Variants in SNTG1 observed in about 807,000 individuals in gnomAD.
SNTG1 encodes the protein gamma-1-syntrophin.
SNTG1 carries 39 observed loss-of-function variants against 74.7 expected under a neutral mutation model. That is an observed-to-expected ratio of 0.52 (90% CI 0.40 to 0.68). The LOEUF (loss-of-function observed/expected upper bound fraction) is 0.68. SNTG1 is among the 30% of genes least tolerant of loss of function. The pLI, the probability that SNTG1 is intolerant of heterozygous loss-of-function variation, is 0.00. For synonymous variants in SNTG1, 254 were observed against 217.1 expected, an observed-to-expected ratio of 1.17 and a Z score of -1.49; for missense variants, 685 against 609.5, an observed-to-expected ratio of 1.12 and a Z score of -1.30.
intron 1 of SNTG1, among the ~76,000 whole-genome samples, chr8:50,095,362 C>T (rs1437319684): frequency 1.3e-5 from 2 of 152,118 alleles, no homozygotes; most frequent in Non-Finnish European, 2.9e-5. Context: ...TGAAACCTTT[C>T]TGTGGATGTG....
chr8:50,503,170 A>C (rs113263762), intron 9 of SNTG1, among the ~76,000 whole-genome samples: 1 of 152,336 alleles, frequency 6.6e-6, no homozygotes, highest in African/African-American at 2.4e-5. Context: ...ATGTCTATTA[A>C]ATTTCATCAG....
chr8:49,932,110 A>G (rs926557757), intron 1 of SNTG1, among the ~76,000 whole-genome samples: 2 of 152,162 alleles, frequency 1.3e-5, no homozygotes, highest in African/African-American at 4.8e-5. Context: ...TCCCCATTTC[A>G]TGAAGCTTCA....
rs570981956 is a variant in SNTG1 at position 50,122,815 on chromosome 8, C to T, written c.-102-49746C>T. On this transcript the variant is annotated intron_variant, in intron 1 of 18. Transcript: ENST00000642720. ...AAAATACCCTAACAGTAGTTCTCCT[C>T]ATAGAAAACCAAATTGTATGAGCTC... Among the ~76,000 whole-genome samples, 19 of 142,258 alleles carry T rather than the reference C, an allele frequency of 1.3e-4. 4 individuals carry two copies. Among genetic ancestry groups the T allele is most frequent in the African/African-American group, 4.8e-4 (19 of 39,406 alleles). 93.3% of individuals were successfully genotyped at this position (142,258 alleles called of 152,430 possible). A position where few individuals can be genotyped will look rare whatever the true frequency, so the allele number is the denominator to read the frequency against.
At chr8:50,347,197 T>C (rs769620664) in intron 2 of SNTG1, among the ~76,000 whole-genome samples, 8 of 152,244 alleles carry the variant, frequency 5.3e-5, no homozygotes, top group Non-Finnish European at 8.8e-5. Flanking sequence ...CTAATGCAGC[T>C]TGTGACTTCA....
chr8:50,612,621 TGTTCCCTACTATGCCTATGAC>T (rs1295503838), intron 13 of SNTG1, among the ~76,000 whole-genome samples: 1 of 152,210 alleles, frequency 6.6e-6, no homozygotes, highest in African/African-American at 2.4e-5. Context: ...GTCATAGTTA[TGTTCCCTACTATGCCTATGAC>T]GTTAAAAAGT....
intron 8 of SNTG1, among the ~76,000 whole-genome samples, chr8:50,486,000 T>C (rs1168665465): frequency 6.6e-6 from 1 of 152,124 alleles, no homozygotes; most frequent in African/African-American, 2.4e-5. Flanking sequence ...GCGTTATTTC[T>C]GAGGGCTCTG....
At chr8:50,503,234 T>A (rs2093979240) in intron 9 of SNTG1, among the ~76,000 whole-genome samples, 1 of 152,190 alleles carries the variant, frequency 6.6e-6, no homozygotes, top group Non-Finnish European at 1.5e-5. Context: ...AACAAGAATA[T>A]GTGCTTAAGT....
intron 12 of SNTG1, among the ~76,000 whole-genome samples, chr8:50,581,311 C>T (rs538619527): frequency 6.6e-6 from 1 of 152,264 alleles, no homozygotes; most frequent in African/African-American, 2.4e-5. Context: ...GCTAGGAAAT[C>T]CTACTGAGAA....
At chr8:50,714,201 T>A (rs2095469695) in intron 17 of SNTG1, among the ~76,000 whole-genome samples, 1 of 152,160 alleles carries the variant, frequency 6.6e-6, no homozygotes, top group Non-Finnish European at 1.5e-5. Context: ...TATAAATCTG[T>A]TTTGGTACCA....
chr8:50,247,782 C>T (rs2086467028), intron 2 of SNTG1, among the ~76,000 whole-genome samples: 1 of 152,022 alleles, frequency 6.6e-6, no homozygotes. Flanking sequence ...CCTCAGCTTC[C>T]CAAAGTGTTG....
Position 50,734,813 on chromosome 8 carries a change from CTA to C in SNTG1, c.1285-17180_1285-17179del, listed in dbSNP as rs1390057727. On this transcript the variant is annotated intron_variant, in intron 17 of 18. Transcript: ENST00000642720. ...TATATATGGACATATATATAGATATCTATATATATGGACATATATATATCTAT... is the reference window on the plus strand; with the variant it reads ...TATATATGGACATATATATAGATATCTATATATGGACATATATATATCTAT... Among the ~76,000 whole-genome samples, 8 of 76,810 alleles carry C rather than the reference CTA, an allele frequency of 1.0e-4. 2 individuals are homozygous for C. Among genetic ancestry groups the C allele is most frequent in the East Asian group, 6.5e-4 (2 of 3,068 alleles). The allele number at this position is 76,810 out of a possible 152,430, so 50.4% of individuals were successfully genotyped here.
At chr8:49,952,061 G>A (rs531328358) in intron 1 of SNTG1, among the ~76,000 whole-genome samples, 56 of 151,972 alleles carry the variant, frequency 3.7e-4, no homozygotes, top group Non-Finnish European at 8.1e-4. Context: ...CCTGGGGAAA[G>A]CTTTCTGCAA....
chr8:50,055,305 C>T (rs1819933067), intron 1 of SNTG1, among the ~76,000 whole-genome samples: 1 of 152,058 alleles, frequency 6.6e-6, no homozygotes, highest in Non-Finnish European at 1.5e-5. Flanking sequence ...GTATACATTG[C>T]TACCTCTGGG....
At chr8:49,924,878 A>G (rs1039257796) in intron 1 of SNTG1, among the ~76,000 whole-genome samples, 3 of 151,962 alleles carry the variant, frequency 2.0e-5, no homozygotes, top group Non-Finnish European at 4.4e-5. Flanking sequence ...GGCCAGGTGT[A>G]GTGGCTAATA....
At chr8:49,935,686 T>C (rs553426995) in intron 1 of SNTG1, among the ~76,000 whole-genome samples, 1 of 152,282 alleles carries the variant, frequency 6.6e-6, no homozygotes, top group African/African-American at 2.4e-5. Flanking sequence ...AGGACATCTC[T>C]CCTGTGCTCT....
intron 1 of SNTG1, among the ~76,000 whole-genome samples, chr8:50,031,681 C>T (rs188958866): frequency 6.7e-4 from 102 of 152,132 alleles, no homozygotes; most frequent in African/African-American, 2.4e-3. Context: ...ATAAACTACC[C>T]TTGGATGTAG....
chr8:49,928,286 G>T (rs995964471), intron 1 of SNTG1, among the ~76,000 whole-genome samples: 1 of 151,636 alleles, frequency 6.6e-6, no homozygotes, highest in African/African-American at 2.4e-5. Flanking sequence ...GGAGTGCAGT[G>T]GTGTGATATC....
intron 13 of SNTG1, among the ~76,000 whole-genome samples, chr8:50,651,496 T>A (rs1057109059): frequency 1.3e-5 from 2 of 152,118 alleles, no homozygotes; most frequent in African/African-American, 4.8e-5. Context: ...TCGCTCTTGT[T>A]GCCCAGACTG....
chr8:50,245,371 G>A (rs1399296929), intron 2 of SNTG1, among the ~76,000 whole-genome samples: 2 of 152,042 alleles, frequency 1.3e-5, no homozygotes, highest in Non-Finnish European at 2.9e-5. Flanking sequence ...ATGGAGGGAG[G>A]AGCAGAAACT....
Sources: allele counts gnomAD v4.1 joint callset (sites outside exome capture counted in the v4.1 genomes callset), GRCh38; gene constraint gnomAD v4.1.1; transcripts MANE v1.5; gene names NCBI Gene and HGNC (gene_info 2026-07-23, HGNC 2026-07-21).